SEMA3A: variants seen among roughly 807,000 people sequenced by gnomAD.
SEMA3A encodes the protein semaphorin 3A, also known as semaphorin-3A.
Under a neutral mutation model 97.9 loss-of-function variants are expected in SEMA3A, and 29 were observed. That is an observed-to-expected ratio of 0.30 (90% confidence interval 0.22 to 0.40). The LOEUF (loss-of-function observed/expected upper bound fraction) is 0.40. Ranked by LOEUF, SEMA3A falls within the 10% of genes least tolerant of loss-of-function variation. SEMA3A has a pLI of 1.00. For synonymous variants in SEMA3A, 321 were observed against 323.7 expected (o/e 0.99, Z 0.09); for missense variants, 763 against 951.3 (o/e 0.80, Z 2.60).
chr7:84,333,370 C>G (rs913454822), intron 2 of SEMA3A, among the ~76,000 whole-genome samples: 1 of 151,996 alleles, frequency 6.6e-6, no homozygotes, highest in Non-Finnish European at 1.5e-5. Flanking sequence ...ATGATGATAT[C>G]GAAGATTTTC....
rs112993644 is a variant in SEMA3A, at chr7:84,273,077, C to T, written c.-83+34130G>A. ...TTCAATATTATTTGTCAGGTTCCTA[C>T]TAAAGCAGGTCTTTTGCTGATACAT... On this transcript the variant is annotated intron_variant, in intron 3 of 3. Transcript: ENST00000424555. Among the ~76,000 whole-genome samples the T allele has an allele frequency of 3.3e-5, 5 of 152,184 alleles. 1 individual carries two copies. Among genetic ancestry groups the T allele is most frequent in the African/African-American group, 1.2e-4 (5 of 41,544 alleles).
intron 1 of SEMA3A, among the ~76,000 whole-genome samples, chr7:84,402,004 A>G (rs577231472): frequency 6.6e-6 from 1 of 152,286 alleles, no homozygotes; most frequent in South Asian, 2.1e-4. Flanking sequence ...AAATGGGATT[A>G]CATCAAACTA....
At chr7:84,316,687 G>A (rs1280059889) in intron 2 of SEMA3A, among the ~76,000 whole-genome samples, 2 of 152,112 alleles carry the variant, frequency 1.3e-5, no homozygotes, top group Non-Finnish European at 2.9e-5. Context: ...TTTTTATAAA[G>A]TGGATTTTTT....
At chr7:84,132,662 G>GGTTTTT (rs1795999108) in intron 2 of SEMA3A, among the ~76,000 whole-genome samples, 1 of 86,630 alleles carries the variant, frequency 1.2e-5, no homozygotes, top group African/African-American at 4.0e-5. Context: ...TCGACTTGGT[G>GGTTTTT]TTTTTTTTTT....
chr7:84,054,276 G>C (rs1792838243), intron 5 of SEMA3A, among the ~76,000 whole-genome samples: 1 of 152,382 alleles, frequency 6.6e-6, no homozygotes, highest in South Asian at 2.1e-4. Flanking sequence ...CTAGATTGGG[G>C]AAGTTCTCCT....
chr7:84,071,432 T>G (rs1466617972), intron 4 of SEMA3A, among the ~76,000 whole-genome samples: 1 of 152,122 alleles, frequency 6.6e-6, no homozygotes, highest in African/African-American at 2.4e-5. Context: ...GTTTAGTTTT[T>G]GGGTTAATTC....
At chr7:84,238,719 AT>A (rs60410629) in intron 3 of SEMA3A, among the ~76,000 whole-genome samples, 10,845 of 146,564 alleles carry the variant, frequency 0.074, 516 homozygotes, top group Non-Finnish European at 0.086. Flanking sequence ...AACTACAATA[AT>A]TTTTTTTTTT....
intron 3 of SEMA3A, among the ~76,000 whole-genome samples, chr7:84,219,270 T>C (rs79910897): frequency 0.046 from 6,938 of 152,274 alleles, 541 homozygotes; most frequent in African/African-American, 0.16. Context: ...TGTCAAAGGA[T>C]TGGAAGTCTT....
rs536755037 is a variant in SEMA3A, at chr7:84,480,030, G to C, written c.-246+12430C>G. Among the ~76,000 whole-genome samples, 3 of 152,208 alleles carry C rather than the reference G, an allele frequency of 2.0e-5. No homozygotes were observed. In the South Asian group the frequency reaches 6.2e-4, roughly 32 times the overall value. On this transcript the variant is annotated intron_variant, in intron 1 of 3. Coordinates refer to the SEMA3A transcript ENST00000424555. Reference sequence around the variant, plus strand: ...CTAAAGTATCCAGCAGTTATTTAAGGCATACTGCATCACTAACCCTTAAAT... The same window carrying C: ...CTAAAGTATCCAGCAGTTATTTAAGCCATACTGCATCACTAACCCTTAAAT...
intron 3 of SEMA3A, among the ~76,000 whole-genome samples, chr7:84,231,242 C>G (rs1411753473): frequency 6.6e-6 from 1 of 151,842 alleles, no homozygotes; most frequent in Non-Finnish European, 1.5e-5. Context: ...GAGTGTGTGC[C>G]TGTTACTTTA....
intron 12 of SEMA3A, among the ~76,000 whole-genome samples, chr7:83,988,107 A>T (rs1562956332): frequency 6.6e-6 from 1 of 152,116 alleles, no homozygotes; most frequent in East Asian, 1.9e-4. Flanking sequence ...CGTTTATCAC[A>T]GTCTTCTCAT....
chr7:84,436,641 A>T (rs1215878743), intron 1 of SEMA3A, among the ~76,000 whole-genome samples: 1 of 152,116 alleles, frequency 6.6e-6, no homozygotes, highest in African/African-American at 2.4e-5. Context: ...GTGTTATAAT[A>T]TGATTTTAAA....
intron 5 of SEMA3A, among the ~76,000 whole-genome samples, chr7:84,052,106 G>A (rs1184750335): frequency 1.3e-5 from 2 of 152,034 alleles, no homozygotes; most frequent in East Asian, 1.9e-4. Flanking sequence ...TACTGGATTC[G>A]GTTTGCCAGT....
In SEMA3A at chr7:83,974,900, C is replaced by T. The variant is rs149275734; in HGVS notation, c.1717+2232G>A. 3.0e-3 allele frequency among the ~76,000 whole-genome samples: 451 copies of T among 152,168 alleles called. 2 individuals are homozygous for T. The highest frequency in any genetic ancestry group is 0.01 in the African/African-American group (434 of 41,514). ...AAACATCTAGAGTTGTTTACCACAACCCTCCCCCAAAAGACCCTGTAACAC... is the reference window on the plus strand; with the variant it reads ...AAACATCTAGAGTTGTTTACCACAATCCTCCCCCAAAAGACCCTGTAACAC... On this transcript the variant is annotated intron_variant, in intron 15 of 16. Transcript: ENST00000265362.
chr7:84,446,575 A>G (rs564646707), intron 1 of SEMA3A, among the ~76,000 whole-genome samples: 2 of 152,360 alleles, frequency 1.3e-5, no homozygotes, highest in East Asian at 3.9e-4. Flanking sequence ...AAGTCATCTT[A>G]AGATGTACAA....
In SEMA3A at chr7:84,423,394, A is replaced by G. The variant is rs147455032; in HGVS notation, c.-245-51494T>C. On this transcript the variant is annotated intron_variant, in intron 1 of 3. Coordinates refer to the SEMA3A transcript ENST00000424555. ...ATACTGGGCATATTTCTGCCTTGAG[A>G]CCTTTGATTTGCTATTCTTTCAGCA... Among the ~76,000 whole-genome samples, 3 of 152,094 alleles carry G rather than the reference A, an allele frequency of 2.0e-5. No individual in the cohort carries two copies. The East Asian group carries it at 5.8e-4, about 29-fold the overall frequency.
At chr7:84,185,947 A>C (rs1018941533) in intron 1 of SEMA3A, among the ~76,000 whole-genome samples, 6 of 152,148 alleles carry the variant, frequency 3.9e-5, no homozygotes, top group African/African-American at 1.4e-4. Flanking sequence ...AGGTCCTCAC[A>C]AGTAGGTGTC....
At chr7:84,427,452 G>A (rs1201110875) in intron 1 of SEMA3A, among the ~76,000 whole-genome samples, 1 of 151,526 alleles carries the variant, frequency 6.6e-6, no homozygotes, top group Non-Finnish European at 1.5e-5. Context: ...TTTGAGACCA[G>A]CCTGGCCAAT....
chr7:84,112,757 G>A (rs966860673), intron 3 of SEMA3A, among the ~76,000 whole-genome samples: 2 of 152,122 alleles, frequency 1.3e-5, no homozygotes, highest in Non-Finnish European at 2.9e-5. Context: ...ATGAAATTGG[G>A]CTCCACTGAA....
Sources: gnomAD v4.1 joint callset for allele counts (sites outside exome capture counted in the v4.1 genomes callset) on GRCh38, gnomAD v4.1.1 for gene constraint, MANE v1.5 for transcripts, NCBI Gene and HGNC (gene_info 2026-07-23, HGNC 2026-07-21) for gene names.